The following NRK variants were observed in gnomAD, a reference collection of about 807,000 sequenced individuals.
NRK encodes Nik related kinase.
Under a neutral mutation model 125.2 loss-of-function variants are expected in NRK, and 67 were observed. The observed-to-expected ratio is 0.54, with a 90% CI of 0.44 to 0.66. The LOEUF is 0.66. Among genes scored for constraint, NRK ranks in the 30% least tolerant of loss-of-function variants. The pLI, the probability that NRK is intolerant of heterozygous loss-of-function variation, is 0.00. For synonymous variants in NRK, 458 were observed against 429.0 expected, an observed-to-expected ratio of 1.07 and a Z score of -0.84; for missense variants, 1,224 against 1,192.9, an observed-to-expected ratio of 1.03 and a Z score of -0.38.
At position 105,906,570 on chromosome X, in the gene NRK, T is replaced by TA; in HGVS notation, c.1009dup (p.Arg337LysfsTer11). 3 of 1,081,140 alleles carry TA rather than the reference T, an allele frequency of 2.8e-6. No individual in the cohort carries two copies. Among genetic ancestry groups the TA allele is most frequent in the Non-Finnish European group, 3.7e-6 (3 of 809,908 alleles). The allele number at this position is 1,081,140 out of a possible 1,213,427, so 89.1% of individuals were successfully genotyped here. A position where few individuals can be genotyped will look rare whatever the true frequency, so the allele number is the denominator to read the frequency against. The stretch of plus-strand genomic sequence containing the variant: ...TAACAAGGCATCTTACTGGAATCAT[T>TA]AAAAAAAGACAGAAAAAAGGTAGAA... On this transcript the variant is annotated frameshift_variant, in exon 11 of 29. Coordinates refer to ENST00000243300, the MANE Select transcript of NRK (RefSeq NM_198465.4). LOFTEE classifies it high-confidence loss of function.
At chrX:105,936,586 G>T (rs1318586815) in intron 21 of NRK, among the ~76,000 whole-genome samples, 1 of 111,556 alleles carries the variant, frequency 9.0e-6, no homozygotes, top group Non-Finnish European at 1.9e-5. Context: ...TGGAGCACAG[G>T]TATGCTCCAA....
Position 105,947,287 on chromosome X carries a change from C to CA in NRK, c.4353+829dup, listed in dbSNP as rs1240225941. 9.3e-5 allele frequency among the ~76,000 whole-genome samples: 6 copies of CA among 64,493 alleles called. 1 individual carries two copies. The highest frequency in any genetic ancestry group is 1.3e-4 in the Non-Finnish European group (5 of 37,968). 56.0% of individuals were successfully genotyped at this position (64,493 alleles called of 115,157 possible). A position where few individuals can be genotyped will look rare whatever the true frequency, so the allele number is the denominator to read the frequency against. ...TGAAACCCCGTCTCTACTAAAAATA[C>CA]AAAAAATTAGCCGGGCGTAGTGGCG... On this transcript the variant is annotated intron_variant, in intron 26 of 28. Transcript: ENST00000243300.
At position 105,898,675 on chromosome X, in the gene NRK, T is replaced by C. The variant is rs1321960102; in HGVS notation, c.672T>C (p.Ile224=). The change falls in exon 8 of 29, where the codon ATT becomes ATC. Residue 224 remains isoleucine (I), a synonymous_variant. Coordinates refer to ENST00000243300, the MANE Select transcript of NRK (RefSeq NM_198465.4). ...GTPYWMAPEV[I]DCDEDPRRSY... is the part of the protein sequence containing the mutation. ...CATACTGGATGGCACCTGAGGTGAT[T>C]GACTGTGATGAGGACCCAAGACGCT... is the stretch of plus-strand genomic sequence containing the variant. 8.3e-7 allele frequency: 1 copy of C among 1,197,694 alleles called. No individual in the cohort carries two copies. Among genetic ancestry groups the C allele is most frequent in the Admixed American group, 2.2e-5 (1 of 44,953 alleles).
At chrX:105,919,262 G>T (rs936295727) in intron 16 of NRK, among the ~76,000 whole-genome samples, 2 of 110,430 alleles carry the variant, frequency 1.8e-5, no homozygotes, top group African/African-American at 6.6e-5. Flanking sequence ...CTTTTTCTAA[G>T]TACACTCACC....
intron 2 of NRK, among the ~76,000 whole-genome samples, chrX:105,849,602 A>G (rs557133478): frequency 2.7e-5 from 3 of 112,136 alleles, no homozygotes; most frequent in African/African-American, 9.7e-5. Flanking sequence ...TACTTTCTAG[A>G]TACAAGGAGG....
chrX:105,924,827 C>G lies in NRK; in HGVS notation c.3108C>G (p.Asp1036Glu), dbSNP rs12395531. 9.1e-6 allele frequency: 11 copies of G among 1,210,384 alleles called. No homozygotes were observed. The Admixed American group carries it at 2.2e-4, about 24-fold the overall frequency. Reference protein sequence around the residue: ...RSHGGSAASEDNAAIGDQEEH... With the variant: ...RSHGGSAASEENAAIGDQEEH... ...ATGGAGGAAGTGCAGCCAGTGAGGACAATGCAGCCATTGGAGATCAGGAAG... is the reference window on the plus strand; with the variant it reads ...ATGGAGGAAGTGCAGCCAGTGAGGAGAATGCAGCCATTGGAGATCAGGAAG... Residue 1036 changes from aspartate (D) to glutamate (E), a missense_variant, in exon 19 of 29, where the codon GAC becomes GAG. Physicochemically the swap from Asp to Glu is conservative, Grantham distance 45. Transcript: ENST00000243300.
intron 2 of NRK, among the ~76,000 whole-genome samples, chrX:105,870,904 C>A (rs1244547430): frequency 9.0e-6 from 1 of 111,470 alleles, no homozygotes; most frequent in African/African-American, 3.3e-5. Flanking sequence ...GATTCTGTAG[C>A]TTTTTAGCTA....
At chrX:105,904,459 T>A (rs1430598373) in intron 9 of NRK, among the ~76,000 whole-genome samples, 1 of 112,151 alleles carries the variant, frequency 8.9e-6, no homozygotes, top group African/African-American at 3.2e-5. Context: ...TGTTATAATA[T>A]CAATAGCTGA....
At chrX:105,884,140 T>G (rs2039915074) in intron 4 of NRK, among the ~76,000 whole-genome samples, 2 of 112,033 alleles carry the variant, frequency 1.8e-5, no homozygotes, top group Non-Finnish European at 3.8e-5. Flanking sequence ...ATTACACAAA[T>G]AAATAGAAAG....
chrX:105,945,422 A>G (rs1350793569), intron 24 of NRK, among the ~76,000 whole-genome samples: 1 of 112,160 alleles, frequency 8.9e-6, no homozygotes, highest in Non-Finnish European at 1.9e-5. Context: ...GCCAATGTCT[A>G]TTTGCATAAT....
At chrX:105,912,887 G>C (rs763246870) in intron 14 of NRK, 132 bp downstream of exon 14, 5 of 305,716 alleles carry the variant, frequency 1.6e-5, no homozygotes, top group South Asian at 2.6e-4. Flanking sequence ...TTTTTACATG[G>C]GTTGTATCAT....
At chrX:105,925,601 T>C (rs1301494158) in intron 19 of NRK, among the ~76,000 whole-genome samples, 1 of 110,971 alleles carries the variant, frequency 9.0e-6, no homozygotes, top group Non-Finnish European at 1.9e-5. Context: ...TCTCTATCAC[T>C]CTCCCGTACT....
chrX:105,860,091 G>T (rs400049), intron 2 of NRK, among the ~76,000 whole-genome samples: 2 of 109,813 alleles, frequency 1.8e-5, no homozygotes, highest in African/African-American at 6.7e-5. Context: ...TAGGTTATCT[G>T]TTCTAATCTC....
chrX:105,885,227 A>G (rs1019713082), intron 4 of NRK, among the ~76,000 whole-genome samples: 1 of 112,460 alleles, frequency 8.9e-6, no homozygotes, highest in Admixed American at 9.4e-5. Flanking sequence ...TAAAATTTAG[A>G]GCTACTATGA....
At chrX:105,843,420 T>A (rs924579835) in intron 2 of NRK, among the ~76,000 whole-genome samples, 6 of 112,131 alleles carry the variant, frequency 5.4e-5, no homozygotes, top group Non-Finnish European at 1.9e-5. Context: ...AGGGGCTCTC[T>A]GCAGATGTGC....
At position 105,915,797 on chromosome X, in the gene NRK, G is replaced by C. The variant is rs1326267020; in HGVS notation, c.2417G>C (p.Ser806Thr). The change falls in exon 15 of 29, where the codon AGC becomes ACC. Residue 806 changes from serine (S) to threonine (T), a missense_variant and splice_region_variant. Physicochemically the swap from Ser to Thr is moderately conservative, Grantham distance 58 (BLOSUM62 1). Transcript: ENST00000243300. ...GCACATCATGTCAAGTTCTCTTCAAGGTATGTGTCTTTGATTTCTATATTA... is the reference window on the plus strand; with the variant it reads ...GCACATCATGTCAAGTTCTCTTCAACGTATGTGTCTTTGATTTCTATATTA... ...DHAHHVKFSS[S>T]VPQRSLLEQA... 1 of 1,033,923 alleles carries C rather than the reference G, an allele frequency of 9.7e-7. No individual in the cohort carries two copies. Among genetic ancestry groups the C allele is most frequent in the East Asian group, 3.1e-5 (1 of 32,526 alleles). The allele number at this position is 1,033,923 out of a possible 1,213,427, so 85.2% of individuals were successfully genotyped here.
chrX:105,842,811 T>A (rs2039347560), intron 2 of NRK, among the ~76,000 whole-genome samples: 2 of 110,730 alleles, frequency 1.8e-5, no homozygotes, highest in Non-Finnish European at 3.8e-5. Context: ...AAATACAAGG[T>A]GTGCTATTTA....
In NRK at chrX:105,846,582, G is replaced by C. The variant is rs759319288; in HGVS notation, c.123+15463G>C. Among the ~76,000 whole-genome samples the C allele has an allele frequency of 2.7e-5, 3 of 111,599 alleles. No homozygotes were observed. The East Asian group carries it at 8.5e-4, about 32-fold the overall frequency. ...ACAAAAGAGGCAGCAATACACTGTA[G>C]ATCTCCAGGTGATGTAACATTGTTA... is the stretch of plus-strand genomic sequence containing the variant. On this transcript the variant is annotated intron_variant, in intron 2 of 28. Transcript: ENST00000243300.
rs2040969762 is a variant in NRK at position 105,955,835 on chromosome X, G to C, written c.*235G>C. Reference sequence around the variant, plus strand: ...GTACAATGTCTTTTGCACAAACTTTGTAACTTTTGTTACTGTGAATTCAAA... The same window carrying C: ...GTACAATGTCTTTTGCACAAACTTTCTAACTTTTGTTACTGTGAATTCAAA... On this transcript the variant is annotated 3_prime_UTR_variant, in exon 29 of 29. Transcript: ENST00000243300. The C allele has an allele frequency of 3.6e-6, 1 of 278,523 alleles. No homozygotes were observed. The highest frequency in any genetic ancestry group is 1.0e-4 in the South Asian group (1 of 9,884). The allele number at this position is 278,523 out of a possible 1,213,427, so 23.0% of individuals were successfully genotyped here.
Sources: allele counts gnomAD v4.1 joint callset (sites outside exome capture counted in the v4.1 genomes callset), GRCh38; gene constraint gnomAD v4.1.1; transcripts MANE v1.5; gene names NCBI Gene and HGNC (gene_info 2026-07-23, HGNC 2026-07-21).